KPTN: variants seen among roughly 807,000 people sequenced by gnomAD.
The protein encoded by KPTN is KICSTOR complex protein kaptin.
In KPTN, 36 loss-of-function variants were observed where a neutral mutation model predicts 52.6. The observed-to-expected ratio is 0.68, with a 90% CI of 0.52 to 0.90. KPTN has a LOEUF of 0.90. Among genes scored for constraint, KPTN ranks in the 40% least tolerant of loss-of-function variants. The pLI is 0.00. For synonymous variants in KPTN, 271 were observed against 248.4 expected (o/e 1.09, Z -0.85); for missense variants, 529 against 576.2 (o/e 0.92, Z 0.84).
rs750931265 is a variant in KPTN, at chr19:47,484,165, C to G, written c.-5G>C. 1.0e-5 allele frequency: 16 copies of G among 1,594,902 alleles called. No individual in the cohort carries two copies. The highest frequency in any genetic ancestry group is 1.4e-5 in the Non-Finnish European group (16 of 1,177,658). ...CACGGCCGCCTCCCCCATCATGCCC[C>G]TCAGTTAAGCACCCTCTCCGCAGCC... On this transcript the variant is annotated 5_prime_UTR_variant, in exon 1 of 12. Coordinates refer to ENST00000338134, the MANE Select transcript of KPTN (RefSeq NM_007059.4).
At chr19:47,476,014 A>C (rs919944695) in intron 11 of KPTN, 1 of 153,046 alleles carries the variant, frequency 6.5e-6, no homozygotes, top group Non-Finnish European at 1.4e-5. Flanking sequence ...AACCAAAAAA[A>C]AAAAAAAAAA....
Position 47,477,713 on chromosome 19 carries a change from C to G in KPTN, c.856G>C (p.Val286Leu), listed in dbSNP as rs1041948224. 1.2e-6 allele frequency: 2 copies of G among 1,613,312 alleles called. No individual in the cohort carries two copies. The highest frequency in any genetic ancestry group is 1.7e-5 in the Admixed American group (1 of 60,000). ...TGTCTCAGGCCCCCTCACCGATACA[C>G]CACTGCTGGCTCCAACATGCTGGCC... ...LVASMLEPAVVYRDLLNRGLE... is the reference protein window; with the variant it reads ...LVASMLEPAVLYRDLLNRGLE... Residue 286 changes from valine to leucine, a missense_variant, in exon 9 of 12, where the codon GTG (valine) becomes CTG (leucine). Coordinates refer to ENST00000338134, the MANE Select transcript of KPTN (RefSeq NM_007059.4).
intron 8 of KPTN, among the ~76,000 whole-genome samples, chr19:47,478,950 C>T (rs1967770733): frequency 6.6e-6 from 1 of 152,224 alleles, no homozygotes; most frequent in Non-Finnish European, 1.5e-5. Flanking sequence ...CGGACACTAG[C>T]TGGGTGATGG....
chr19:47,477,132 A>T (rs559601512), intron 9 of KPTN, among the ~76,000 whole-genome samples, 194 bp from the exon 10 acceptor site: 78 of 152,164 alleles, frequency 5.1e-4, no homozygotes, highest in Non-Finnish European at 1.0e-3. Flanking sequence ...TGTGCACTCA[A>T]GCCCTTCATC....
At chr19:47,478,566 C>CCAAAAAAAAAAA (rs1568454864) in intron 8 of KPTN, among the ~76,000 whole-genome samples, 1 of 2,822 alleles carries the variant, frequency 3.5e-4, no homozygotes, top group African/African-American at 4.4e-4. Context: ...AAGACTCTGT[C>CCAAAAAAAAAAA]TAAAAAAAAA....
rs759768727 is a variant in KPTN at position 47,476,875 on chromosome 19, G to T, written c.927C>A (p.Ser309Arg). 3 of 1,567,884 alleles carry T rather than the reference G, an allele frequency of 1.9e-6. No individual in the cohort carries two copies. Among genetic ancestry groups the T allele is most frequent in the Non-Finnish European group, 2.6e-6 (3 of 1,155,840 alleles). The change falls in exon 10 of 12, where the codon AGC becomes AGA. Residue 309 changes from serine (S) to arginine (R), a missense_variant. Ser to Arg is a moderately radical substitution (Grantham distance 110). Coordinates refer to ENST00000338134, the MANE Select transcript of KPTN (RefSeq NM_007059.4). ...CATCGGTGACCAGGCTGCAGAGGAC[G>T]CTGTCAAACTGGTCACTGCCGGGCA... ...LLLPGSDQFD[S>R]VLCSLVTDVD...
At position 47,483,329 on chromosome 19, in the gene KPTN, C is replaced by T. The variant is rs1452374066; in HGVS notation, c.360G>A (p.Glu120=). The T allele has an allele frequency of 1.2e-6, 2 of 1,613,942 alleles. No homozygotes were observed. The highest frequency in any genetic ancestry group is 1.7e-6 in the Non-Finnish European group (2 of 1,180,042). Residue 120 remains glutamate (E), a synonymous_variant, in exon 3 of 12, where the codon GAG becomes GAA. Transcript: ENST00000338134. ...SPFLNIYCDY[E]PGSEYNLDSI... is the part of the protein sequence containing the mutation. ...AGTCAAGGTTGTACTCAGAGCCGGGCTCGTAGTCGCAGTAAATGTTCAGGA... is the reference window on the plus strand; with the variant it reads ...AGTCAAGGTTGTACTCAGAGCCGGGTTCGTAGTCGCAGTAAATGTTCAGGA...
upstream of KPTN, among the ~76,000 whole-genome samples, chr19:47,485,099 C>T (rs1028437964): frequency 6.6e-5 from 10 of 152,150 alleles, no homozygotes; most frequent in Non-Finnish European, 1.5e-4. Context: ...CCTCCTTTAT[C>T]GAACACCTAC....
chr19:47,479,802 T>C, intron 8 of KPTN, 61 bp downstream of exon 8: 1 of 1,392,100 alleles, frequency 7.2e-7, no homozygotes, highest in Non-Finnish European at 1.0e-6. Context: ...GACCCAAGAA[T>C]GCAGAGTTGC....
At chr19:47,480,430 G>A in intron 6 of KPTN, 23 bp from the exon 7 acceptor site, 1 of 1,505,182 alleles carries the variant, frequency 6.6e-7, no homozygotes, top group Middle Eastern at 1.8e-4. Flanking sequence ...TGGATGGACA[G>A]GACGGACGGC....
chr19:47,475,439 G>A lies in KPTN; in HGVS notation c.1288C>T (p.Pro430Ser), dbSNP rs763864763. The change falls in exon 12 of 12, where the codon CCT becomes TCT. Residue 430 changes from proline to serine, a missense_variant. Coordinates refer to ENST00000338134, the MANE Select transcript of KPTN (RefSeq NM_007059.4). The part of the protein sequence containing the change: ...QGLEDGAGAG[P>S]AENAAS ...GCTTAAGAGGCTGCATTCTCAGCAGGCCCTGCACCTGCCCCGTCCTCCAAC... is the reference window on the plus strand; with the variant it reads ...GCTTAAGAGGCTGCATTCTCAGCAGACCCTGCACCTGCCCCGTCCTCCAAC... 1.2e-6 allele frequency: 2 copies of A among 1,613,018 alleles called. No individual in the cohort carries two copies. The highest frequency in any genetic ancestry group is 1.7e-6 in the Non-Finnish European group (2 of 1,179,262).
Position 47,475,319 on chromosome 19 carries a change from G to C in KPTN, c.*97C>G. 1 of 1,454,858 alleles carries C rather than the reference G, an allele frequency of 6.9e-7. No homozygotes were observed. The highest frequency in any genetic ancestry group is 1.4e-5 in the African/African-American group (1 of 71,798). The allele number at this position is 1,454,858 out of a possible 1,614,324, so 90.1% of individuals were successfully genotyped here. Reference sequence around the variant, plus strand: ...GCTTCACCACCCTGGGGAGGTCTGGGGAGAGCATCCTGTCCTTCAGGACAC... The same window carrying C: ...GCTTCACCACCCTGGGGAGGTCTGGCGAGAGCATCCTGTCCTTCAGGACAC... On this transcript the variant is annotated 3_prime_UTR_variant, in exon 12 of 12. Coordinates refer to ENST00000338134, the MANE Select transcript of KPTN (RefSeq NM_007059.4).
At chr19:47,480,635 A>C in intron 6 of KPTN, 125 bp downstream of exon 6, 1 of 915,356 alleles carries the variant, frequency 1.1e-6, no homozygotes, top group Non-Finnish European at 1.8e-6. Context: ...ATTTCTCTGA[A>C]GTCATGCCGT....
rs1218344082 is a variant in KPTN, at chr19:47,480,161, C to T, written c.709+137G>A. 2.4e-5 allele frequency: 13 copies of T among 547,730 alleles called. No homozygotes were observed. In the East Asian group the frequency reaches 4.3e-4, roughly 18 times the overall value. The allele number at this position is 547,730 out of a possible 1,614,324, so 33.9% of individuals were successfully genotyped here. A position where few individuals can be genotyped will look rare whatever the true frequency, so the allele number is the denominator to read the frequency against. On this transcript the variant is annotated intron_variant, in intron 7 of 11. Transcript: ENST00000338134. ...GCCCTCGGCCCCACCCTAGCCCCAC[C>T]CGGCAAGCCCCACCCTCATCCCTCA...
chr19:47,480,930 C>A (rs777690246), intron 5 of KPTN, 28 bp downstream of exon 5: 1 of 1,612,536 alleles, frequency 6.2e-7, no homozygotes, highest in Non-Finnish European at 8.5e-7. Flanking sequence ...TCCCACAGGG[C>A]TCTGCCCAGC....
In KPTN at chr19:47,480,772, T is replaced by C; in HGVS notation, c.587A>G (p.Asn196Ser). 1 of 1,614,008 alleles carries C rather than the reference T, an allele frequency of 6.2e-7. No homozygotes were observed. The highest frequency in any genetic ancestry group is 1.7e-4 in the Middle Eastern group (1 of 6,060). Residue 196 changes from asparagine (N) to serine (S), a missense_variant, in exon 6 of 12, where the codon AAC becomes AGC. Transcript: ENST00000338134. ...GGGCCTCTCCTACCTACTGGTCAGG[T>C]TCGTCAGCTCTGGGAAGAGGTTTTC... The part of the protein sequence containing the change: ...PVENLFPELT[N>S]LTSSVLWLDV...
chr19:47,478,518 T>C (rs1164311203), intron 8 of KPTN, among the ~76,000 whole-genome samples: 3 of 127,024 alleles, frequency 2.4e-5, no homozygotes, highest in African/African-American at 8.8e-5. Flanking sequence ...GTGGAGGTGA[T>C]AGTGAGCCGA....
At chr19:47,479,400 A>G (rs1967785394) in intron 8 of KPTN, among the ~76,000 whole-genome samples, 1 of 152,154 alleles carries the variant, frequency 6.6e-6, no homozygotes, top group Admixed American at 6.5e-5. Flanking sequence ...TGATCAACAT[A>G]TTGGGGGAAA....
Position 47,479,847 on chromosome 19 carries a change from C to G in KPTN, c.787+16G>C, listed in dbSNP as rs759170763. 1.9e-6 allele frequency: 3 copies of G among 1,610,450 alleles called. No homozygotes were observed. The Admixed American group carries it at 5.0e-5, about 27-fold the overall frequency. On this transcript the variant is annotated intron_variant, in intron 8 of 11. Transcript: ENST00000338134. ...CCCACCCGCTCTCTCCCCATCCCCT[C>G]AAACCCAGAGCTCACCCTTGGCGGC...
Sources: allele counts gnomAD v4.1 joint callset (sites outside exome capture counted in the v4.1 genomes callset), GRCh38; gene constraint gnomAD v4.1.1; transcripts MANE v1.5; gene names NCBI Gene and HGNC (gene_info 2026-07-23, HGNC 2026-07-21).